Variants in SPAG9 observed in about 807,000 individuals in gnomAD.
SPAG9 encodes the protein C-Jun-amino-terminal kinase-interacting protein 4.
In SPAG9, 35 loss-of-function variants were observed where a neutral mutation model predicts 166.5. The ratio of observed to expected loss-of-function variants is 0.21; its 90% confidence interval spans 0.16 to 0.28. SPAG9 has a LOEUF of 0.28. Ranked by LOEUF, SPAG9 falls within the 10% of genes least tolerant of loss-of-function variation. The pLI, the probability that SPAG9 is intolerant of heterozygous loss-of-function variation, is 1.00. For missense variants in SPAG9, 1,235 were observed against 1,603.3 expected (o/e 0.77, Z 3.92); for synonymous variants, 534 against 565.5 (o/e 0.94, Z 0.79).
chr17:51,120,818 G>A lies in SPAG9; in HGVS notation c.-162C>T, dbSNP rs1421609754. The A allele has an allele frequency of 3.8e-5, 18 of 478,536 alleles. No homozygotes were observed. The highest frequency in any genetic ancestry group is 6.2e-5 in the Non-Finnish European group (18 of 289,122). 29.6% of individuals were successfully genotyped at this position (478,536 alleles called of 1,614,324 possible). A position where few individuals can be genotyped will look rare whatever the true frequency, so the allele number is the denominator to read the frequency against. Reference sequence around the variant, plus strand: ...GGGGTGGGGGCCGGGGCCGGAGGAGGGGAGGGGTGGCGTAGGCGCTCTCAC... The same window carrying A: ...GGGGTGGGGGCCGGGGCCGGAGGAGAGGAGGGGTGGCGTAGGCGCTCTCAC... On this transcript the variant is annotated 5_prime_UTR_variant, in exon 1 of 30. Transcript: ENST00000262013. The surrounding 1 kb of genome is among the most constrained non-coding windows in gnomAD (Gnocchi z 4.7).
At chr17:51,028,066 CAA>C (rs375023734) in intron 6 of SPAG9, among the ~76,000 whole-genome samples, 2 of 88,354 alleles carry the variant, frequency 2.3e-5, no homozygotes. Context: ...GTTTAAAAAG[CAA>C]AAAAAAAAAA....
At chr17:51,075,354 A>T (rs542065167) in intron 2 of SPAG9, among the ~76,000 whole-genome samples, 1 of 152,110 alleles carries the variant, frequency 6.6e-6, no homozygotes, top group Non-Finnish European at 1.5e-5. Flanking sequence ...CCACTTAGAT[A>T]CTTTTGGGAA....
intron 9 of SPAG9, chr17:51,009,271 C>A: frequency 2.8e-6 from 1 of 359,966 alleles, no homozygotes; most frequent in South Asian, 2.2e-5. Flanking sequence ...TGTAGAGAAA[C>A]CATTAACTAA....
At chr17:51,092,478 C>T (rs1361434217) in intron 1 of SPAG9, among the ~76,000 whole-genome samples, 1 of 151,996 alleles carries the variant, frequency 6.6e-6, no homozygotes, top group African/African-American at 2.4e-5. Context: ...AATATGAACA[C>T]TTATTAAGTA....
chr17:50,973,910 A>T (rs1381448417), intron 28 of SPAG9, among the ~76,000 whole-genome samples: 4 of 152,214 alleles, frequency 2.6e-5, no homozygotes, highest in Admixed American at 1.3e-4. Context: ...CAACTGTGTG[A>T]CCCAATTTCT....
At chr17:51,086,896 T>C (rs1368226969) in intron 1 of SPAG9, among the ~76,000 whole-genome samples, 8 of 152,196 alleles carry the variant, frequency 5.3e-5, no homozygotes, top group Non-Finnish European at 1.0e-4. Flanking sequence ...CACTCCAGCC[T>C]GGGTGACAGA....
rs2048002157 is a variant in SPAG9 at position 51,077,013 on chromosome 17, GCTAGCTATCTAGCTATCTATCTAGCTAT to G, written c.424+2543_424+2570del. ...AGCTATCTAGCTATCTAGCTAGCTA[GCTAGCTATCTAGCTATCTATCTAGCTAT>G]CTAGCTATCTAGCTAGCTATCTAGC... On this transcript the variant is annotated intron_variant, in intron 2 of 29. Coordinates refer to ENST00000262013, the MANE Select transcript of SPAG9 (RefSeq NM_001130528.3). Among the ~76,000 whole-genome samples the G allele has an allele frequency of 2.7e-4, 17 of 62,902 alleles. 1 individual carries two copies. Among genetic ancestry groups the G allele is most frequent in the Admixed American group, 1.2e-3 (7 of 6,032 alleles). 41.3% of individuals were successfully genotyped at this position (62,902 alleles called of 152,430 possible). A position where few individuals can be genotyped will look rare whatever the true frequency, so the allele number is the denominator to read the frequency against.
intron 1 of SPAG9, among the ~76,000 whole-genome samples, chr17:51,088,585 A>G (rs1286251164): frequency 6.6e-6 from 1 of 152,192 alleles, no homozygotes; most frequent in Admixed American, 6.5e-5. Context: ...TCACGAGATC[A>G]GGAGATCGAG....
chr17:51,055,386 A>G (rs142758927), intron 3 of SPAG9, among the ~76,000 whole-genome samples: 143 of 152,274 alleles, frequency 9.4e-4, no homozygotes, highest in African/African-American at 3.3e-3. Context: ...ACAACAGAAT[A>G]TAGCTACAAT....
chr17:51,078,062 T>C (rs1191473692), intron 2 of SPAG9, among the ~76,000 whole-genome samples: 1 of 152,298 alleles, frequency 6.6e-6, no homozygotes, highest in Middle Eastern at 3.4e-3. Flanking sequence ...CCCAAAGTGT[T>C]GGGATTACAG....
Position 51,021,431 on chromosome 17 carries a change from G to A in SPAG9, c.784-66C>T. The A allele has an allele frequency of 2.3e-5, 29 of 1,274,674 alleles. No homozygotes were observed. In the South Asian group the frequency reaches 3.6e-4, roughly 16 times the overall value. The allele number at this position is 1,274,674 out of a possible 1,614,324, so 79.0% of individuals were successfully genotyped here. On this transcript the variant is annotated intron_variant, in intron 6 of 29. Coordinates refer to ENST00000262013, the MANE Select transcript of SPAG9 (RefSeq NM_001130528.3). ...AATTTACTCTAAACCACATTAAATG[G>A]GTTGAGAAATAAATCTACCAAAGAA... is the stretch of plus-strand genomic sequence containing the variant.
chr17:51,054,950 AC>A (rs1165913063), intron 3 of SPAG9, among the ~76,000 whole-genome samples: 11 of 152,088 alleles, frequency 7.2e-5, no homozygotes, highest in Admixed American at 5.9e-4. Flanking sequence ...TCTACACCCT[AC>A]CCCAAGAAAG....
intron 16 of SPAG9, 93 bp downstream of exon 16, chr17:50,996,472 G>T: frequency 1.4e-6 from 2 of 1,435,934 alleles, no homozygotes; most frequent in Non-Finnish European, 1.9e-6. Context: ...GATGAGCAGG[G>T]CTGGGATGCG....
intron 1 of SPAG9, among the ~76,000 whole-genome samples, chr17:51,088,993 T>C (rs945857310): frequency 6.6e-6 from 1 of 151,670 alleles, no homozygotes; most frequent in African/African-American, 2.4e-5. Flanking sequence ...CTCGGAAGGC[T>C]GAGGCAGGAG....
chr17:51,094,944 G>A (rs927145742), intron 1 of SPAG9, among the ~76,000 whole-genome samples: 1 of 152,182 alleles, frequency 6.6e-6, no homozygotes, highest in Non-Finnish European at 1.5e-5. Flanking sequence ...AGAATCACCA[G>A]TAAATGTAAA....
At chr17:50,998,393 T>C (rs1421894718) in intron 15 of SPAG9, 51 bp downstream of exon 15, 1 of 1,524,198 alleles carries the variant, frequency 6.6e-7, no homozygotes, top group Non-Finnish European at 9.0e-7. Flanking sequence ...AAGAATATTC[T>C]GAACCACTAA....
chr17:51,007,368 T>C lies in SPAG9; in HGVS notation c.1214-42A>G, dbSNP rs756868684. On this transcript the variant is annotated intron_variant, in intron 9 of 29. Transcript: ENST00000262013. ...GATAAAGACTTTGAAAATAAATGCA[T>C]CAATAATTATATACATTTAAAATAT... The C allele has an allele frequency of 4.1e-5, 45 of 1,093,240 alleles. 2 individuals are homozygous for C. The Middle Eastern group carries it at 8.1e-4, about 20-fold the overall frequency. The allele number at this position is 1,093,240 out of a possible 1,614,324, so 67.7% of individuals were successfully genotyped here.
At position 51,057,832 on chromosome 17, in the gene SPAG9, C is replaced by T. The variant is rs535250368; in HGVS notation, c.425-1350G>A. ...GCTCATCTTATCCTGTGGCTGAAAGCGATAATAAGCAAATTTATTATGCAG... is the reference window on the plus strand; with the variant it reads ...GCTCATCTTATCCTGTGGCTGAAAGTGATAATAAGCAAATTTATTATGCAG... On this transcript the variant is annotated intron_variant, in intron 2 of 29. Coordinates refer to ENST00000262013, the MANE Select transcript of SPAG9 (RefSeq NM_001130528.3). 3.2e-4 allele frequency among the ~76,000 whole-genome samples: 48 copies of T among 151,888 alleles called. No individual in the cohort carries two copies. In the South Asian group the frequency reaches 8.8e-3, roughly 28 times the overall value.
At chr17:51,065,120 T>C (rs992306695) in intron 2 of SPAG9, among the ~76,000 whole-genome samples, 1 of 152,074 alleles carries the variant, frequency 6.6e-6, no homozygotes, top group South Asian at 2.1e-4. Flanking sequence ...CAAAATTCCA[T>C]CTCAAAAAAT....
Sources: gnomAD v4.1 joint callset for allele counts (sites outside exome capture counted in the v4.1 genomes callset) on GRCh38, gnomAD v4.1.1 for gene constraint, Gnocchi (gnomAD v3.1) non-coding constraint, MANE v1.5 for transcripts, NCBI Gene and HGNC (gene_info 2026-07-23, HGNC 2026-07-21) for gene names.